NLRC5: variants seen among roughly 807,000 people sequenced by gnomAD.
NLRC5 encodes the protein protein NLRC5.
In NLRC5, 114 loss-of-function variants were observed where a neutral mutation model predicts 206.9. The observed-to-expected ratio is 0.55, with a 90% CI of 0.47 to 0.64. The LOEUF (loss-of-function observed/expected upper bound fraction) is 0.64. Ranked by LOEUF, NLRC5 falls within the 30% of genes least tolerant of loss-of-function variation. The pLI is 0.00. For missense variants in NLRC5, 2,008 were observed against 2,305.5 expected, an observed-to-expected ratio of 0.87 and a Z score of 2.64; for synonymous variants, 952 against 962.8, an observed-to-expected ratio of 0.99 and a Z score of 0.21.
intron 37 of NLRC5, 91 bp downstream of exon 37, chr16:57,070,010 T>A: frequency 9.7e-7 from 1 of 1,033,098 alleles, no homozygotes; most frequent in East Asian, 2.6e-5. Context: ...GGGCAGGCAA[T>A]GAGACTTCAA....
rs750802020 is a variant in NLRC5, at chr16:57,025,785, A to G, written c.842A>G (p.Tyr281Cys). ...LTPSELLFDL[Y>C]LSPESDHDTV... ...CCGTCCGAGCTCCTTTTTGATCTGT[A>G]CCTGAGCCCTGAATCGGACCACGAC... The change falls in exon 6 of 49, where the codon TAC becomes TGC. Residue 281 changes from tyrosine (Y) to cysteine (C), a missense_variant. By Grantham distance (194) the Tyr-to-Cys change is radical. Transcript: ENST00000688547. 1.9e-6 allele frequency: 3 copies of G among 1,614,178 alleles called. No individual in the cohort carries two copies. Among genetic ancestry groups the G allele is most frequent in the Non-Finnish European group, 1.7e-6 (2 of 1,180,022 alleles).
intron 36 of NLRC5, among the ~76,000 whole-genome samples, chr16:57,068,356 G>T (rs748058478): frequency 6.6e-6 from 1 of 151,872 alleles, no homozygotes; most frequent in Non-Finnish European, 1.5e-5. Context: ...GCTTGAACCC[G>T]GGAGGCTGAG....
intron 11 of NLRC5, among the ~76,000 whole-genome samples, chr16:57,033,136 C>T (rs1367248870): frequency 6.6e-6 from 1 of 152,214 alleles, no homozygotes; most frequent in African/African-American, 2.4e-5. Flanking sequence ...GGACTCACTG[C>T]ATACAGCTCA....
chr16:57,006,790 G>A lies in NLRC5; in HGVS notation c.-127-10284G>A, dbSNP rs146553895. 1.9e-4 allele frequency among the ~76,000 whole-genome samples: 29 copies of A among 151,822 alleles called. 1 individual carries two copies. Among genetic ancestry groups the A allele is most frequent in the African/African-American group, 5.8e-4 (24 of 41,456 alleles). ...GGCATTTACCACTTTGGTAGATAAA[G>A]GTTGTATCCTGTTACATGTCCACGG... is the stretch of plus-strand genomic sequence containing the variant. On this transcript the variant is annotated intron_variant, in intron 1 of 48. Coordinates refer to ENST00000688547, the MANE Select transcript of NLRC5 (RefSeq NM_001384950.1).
chr16:57,048,173 G>T (rs1462741113), intron 23 of NLRC5: 5 of 154,060 alleles, frequency 3.2e-5, no homozygotes, highest in African/African-American at 7.2e-5. Context: ...TGTCATTGTG[G>T]TGATTCTATT....
At chr16:57,002,650 T>TG (rs1248710627) in intron 1 of NLRC5, among the ~76,000 whole-genome samples, 1 of 146,088 alleles carries the variant, frequency 6.8e-6, no homozygotes, top group African/African-American at 2.5e-5. Flanking sequence ...TTTTTGTTTT[T>TG]TTTTTTTTTT....
At chr16:57,041,623 G>T (rs757598240) in intron 18 of NLRC5, 49 bp downstream of exon 18, 2 of 1,466,210 alleles carry the variant, frequency 1.4e-6, no homozygotes, top group Non-Finnish European at 1.9e-6. Context: ...CAATTACAGT[G>T]AGTTAGTGTT....
chr16:57,051,664 T>G (rs774687305), intron 24 of NLRC5, 43 bp downstream of exon 24: 32 of 1,513,762 alleles, frequency 2.1e-5, no homozygotes, highest in Non-Finnish European at 2.8e-5. Context: ...CTTGTGCTCG[T>G]GTTTCTAAGG....
At chr16:57,078,391 G>A (rs550107498) in intron 43 of NLRC5, among the ~76,000 whole-genome samples, 24 of 151,832 alleles carry the variant, frequency 1.6e-4, no homozygotes, top group Non-Finnish European at 3.1e-4. Context: ...GCCAATCAAC[G>A]TGGCCTCAGC....
intron 1 of NLRC5, chr16:56,991,233 A>G (rs2056789868): frequency 6.6e-6 from 1 of 152,120 alleles, no homozygotes; most frequent in Non-Finnish European, 1.5e-5. Flanking sequence ...GTTTCACAAT[A>G]TGCTGAACTT....
chr16:57,011,449 C>CAG (rs2059489120), intron 1 of NLRC5, among the ~76,000 whole-genome samples: 1 of 151,710 alleles, frequency 6.6e-6, no homozygotes, highest in Non-Finnish European at 1.5e-5. Context: ...GACTCAGGTG[C>CAG]AGAGGCTCAC....
intron 10 of NLRC5, among the ~76,000 whole-genome samples, chr16:57,031,035 G>C (rs1219121394): frequency 6.6e-6 from 1 of 152,002 alleles, no homozygotes; most frequent in Non-Finnish European, 1.5e-5. Context: ...TGGAGGTTGA[G>C]GCTGCAGTGA....
rs759617472 is a variant in NLRC5, at chr16:57,059,022, C to T, written c.3881C>T (p.Thr1294Ile). ...GAAAGTGCCCTGTACCTGCTGGAGACACTGCCCTCCTGCCCACGTGTCCGG... is the reference window on the plus strand; with the variant it reads ...GAAAGTGCCCTGTACCTGCTGGAGATACTGCCCTCCTGCCCACGTGTCCGG... Reference protein sequence around the residue: ...SQESALYLLETLPSCPRVREA... With the variant: ...SQESALYLLEILPSCPRVREA... The change falls in exon 29 of 49, where the codon ACA (threonine) becomes ATA (isoleucine). Residue 1294 changes from threonine to isoleucine, a missense_variant. Coordinates refer to ENST00000688547, the MANE Select transcript of NLRC5 (RefSeq NM_001384950.1). The T allele has an allele frequency of 6.2e-7, 1 of 1,614,178 alleles. No individual in the cohort carries two copies. The highest frequency in any genetic ancestry group is 1.1e-5 in the South Asian group (1 of 91,088).
chr16:57,082,314 C>T (rs1018347239), intron 48 of NLRC5, 103 bp from the exon 49 acceptor site: 1 of 887,938 alleles, frequency 1.1e-6, no homozygotes, highest in South Asian at 1.7e-5. Flanking sequence ...CCAGGTAACT[C>T]TAGGCACAGC....
At chr16:57,037,111 C>G in intron 14 of NLRC5, 84 bp from the exon 15 acceptor site, 1 of 1,115,898 alleles carries the variant, frequency 9.0e-7, no homozygotes, top group East Asian at 2.3e-5. Context: ...CAGCAAGCTG[C>G]TGAGCCACAG....
At chr16:56,999,933 G>C (rs1335130621) in intron 1 of NLRC5, among the ~76,000 whole-genome samples, 2 of 152,224 alleles carry the variant, frequency 1.3e-5, no homozygotes, top group African/African-American at 2.4e-5. Context: ...TCGGCACATG[G>C]GGAACCCCCC....
Position 57,030,025 on chromosome 16 carries a change from C to T in NLRC5, c.2358C>T (p.Thr786=). ...DLSSNSICVS[T]LLCLARVAVT... ...GCAGCAACAGCATCTGCGTGTCAACCCTACTCTGCTTGGCAAGGGTGGCAG... is the reference window on the plus strand; with the variant it reads ...GCAGCAACAGCATCTGCGTGTCAACTCTACTCTGCTTGGCAAGGGTGGCAG... Residue 786 remains threonine, a synonymous_variant, in exon 10 of 49, where the codon ACC becomes ACT. Transcript: ENST00000688547. 6.2e-7 allele frequency: 1 copy of T among 1,614,166 alleles called. No individual in the cohort carries two copies. Among genetic ancestry groups the T allele is most frequent in the Non-Finnish European group, 8.5e-7 (1 of 1,180,034 alleles).
chr16:57,049,997 G>T lies in NLRC5; in HGVS notation c.3423-1541G>T, dbSNP rs79915490. 6.1e-3 allele frequency among the ~76,000 whole-genome samples: 922 copies of T among 152,012 alleles called. 14 individuals carry two copies. Among genetic ancestry groups the T allele is most frequent in the African/African-American group, 0.021 (876 of 41,452 alleles). ...CCGGGGAAGCCAGGGAAGATAGATT[G>T]TGGGGCTCCATCCCCCCTCCCTGAA... is the stretch of plus-strand genomic sequence containing the variant. On this transcript the variant is annotated intron_variant, in intron 23 of 48. Transcript: ENST00000688547.
At position 57,023,518 on chromosome 16, in the gene NLRC5, G is replaced by A. The variant is rs1216108376; in HGVS notation, c.356-267G>A. 2.6e-5 allele frequency among the ~76,000 whole-genome samples: 4 copies of A among 152,176 alleles called. No individual in the cohort carries two copies. In the East Asian group the frequency reaches 7.7e-4, roughly 29 times the overall value. On this transcript the variant is annotated intron_variant, in intron 4 of 48. Transcript: ENST00000688547. ...TGAGTGTTTCTGGGGGCTGCTGGCT[G>A]TTGGCCCTGCTTCCTGCATCCTGGA...
Sources: allele counts gnomAD v4.1 joint callset (sites outside exome capture counted in the v4.1 genomes callset), GRCh38; gene constraint gnomAD v4.1.1; transcripts MANE v1.5; gene names NCBI Gene and HGNC (gene_info 2026-07-23, HGNC 2026-07-21).